G2E3: variants seen among roughly 807,000 people sequenced by gnomAD.
G2E3 encodes the protein G2/M phase-specific E3 ubiquitin-protein ligase.
Under a neutral mutation model 92.8 loss-of-function variants are expected in G2E3, and 35 were observed. The observed-to-expected ratio is 0.38, with a 90% confidence interval of 0.29 to 0.50. The LOEUF (loss-of-function observed/expected upper bound fraction) is 0.50. Ranked by LOEUF, G2E3 falls within the 20% of genes least tolerant of loss-of-function variation. The probability of loss-of-function intolerance (pLI) is 0.94; values close to 1 mark genes in which losing one functional copy is unlikely to be tolerated. For missense variants in G2E3, 554 were observed against 823.8 expected (o/e 0.67, Z 4.01); for synonymous variants, 242 against 272.4 (o/e 0.89, Z 1.10).
chr14:30,599,188 G>A (rs1594498839), intron 8 of G2E3, among the ~76,000 whole-genome samples: 1 of 151,764 alleles, frequency 6.6e-6, no homozygotes, highest in African/African-American at 2.4e-5. Context: ...TTGGTTTAGG[G>A]CCCACCTATC....
chr14:30,564,096 T>A (rs1879290148), intron 1 of G2E3, among the ~76,000 whole-genome samples: 1 of 152,238 alleles, frequency 6.6e-6, no homozygotes. Context: ...GGTATACAAT[T>A]TGTATGCAAT....
At chr14:30,578,421 A>C (rs936866443) in intron 1 of G2E3, among the ~76,000 whole-genome samples, 6 of 152,302 alleles carry the variant, frequency 3.9e-5, no homozygotes, top group Non-Finnish European at 7.3e-5. Flanking sequence ...TAACACCACC[A>C]GGGATAAACC....
intron 2 of G2E3, among the ~76,000 whole-genome samples, chr14:30,581,337 T>C (rs1385082732): frequency 6.6e-6 from 1 of 151,880 alleles, no homozygotes; most frequent in Non-Finnish European, 1.5e-5. Flanking sequence ...ATATGGTTCG[T>C]ATCTCAATAA....
chr14:30,567,790 CT>C (rs1195575690), intron 1 of G2E3, among the ~76,000 whole-genome samples: 6 of 151,856 alleles, frequency 4.0e-5, no homozygotes, highest in Middle Eastern at 6.8e-3. Context: ...CTTGTGATTT[CT>C]TTTTTGACTT....
At chr14:30,567,099 C>T (rs1442720474) in intron 1 of G2E3, among the ~76,000 whole-genome samples, 1 of 152,112 alleles carries the variant, frequency 6.6e-6, no homozygotes, top group Non-Finnish European at 1.5e-5. Context: ...AGGATATTTG[C>T]ATCTATGTTC....
chr14:30,568,317 G>GA (rs1419488796), intron 1 of G2E3, among the ~76,000 whole-genome samples: 1 of 152,002 alleles, frequency 6.6e-6, no homozygotes, highest in Non-Finnish European at 1.5e-5. Flanking sequence ...TCTATAGCTT[G>GA]ACCCTAGTAG....
At chr14:30,581,323 T>A (rs994135939) in intron 2 of G2E3, among the ~76,000 whole-genome samples, 1 of 152,086 alleles carries the variant, frequency 6.6e-6, no homozygotes, top group Non-Finnish European at 1.5e-5. Context: ...TTTATGTATA[T>A]AAGATATGGT....
rs763541897 is a variant in G2E3 at position 30,593,455 on chromosome 14, A to G, written c.363-19A>G. ...CTTTGCAGTTCATGAGATTTTTTTA[A>G]AATAATTTACATTTTTAGGTCATTT... On this transcript the variant is annotated intron_variant, in intron 5 of 14. Coordinates refer to ENST00000206595, the MANE Select transcript of G2E3 (RefSeq NM_017769.5). The G allele has an allele frequency of 7.5e-7, 1 of 1,328,342 alleles. No individual in the cohort carries two copies. Among genetic ancestry groups the G allele is most frequent in the Non-Finnish European group, 1.0e-6 (1 of 953,720 alleles). The allele number at this position is 1,328,342 out of a possible 1,614,324, so 82.3% of individuals were successfully genotyped here. A position where few individuals can be genotyped will look rare whatever the true frequency, so the allele number is the denominator to read the frequency against.
chr14:30,597,607 C>A, intron 7 of G2E3, 81 bp downstream of exon 7: 1 of 815,014 alleles, frequency 1.2e-6, no homozygotes, highest in South Asian at 1.5e-5. Flanking sequence ...TCACTTATGT[C>A]TGATTCAGTG....
intron 6 of G2E3, 76 bp from the exon 7 acceptor site, chr14:30,597,343 AC>A (rs966565869): frequency 2.6e-6 from 2 of 783,848 alleles, no homozygotes; most frequent in African/African-American, 3.5e-5. Context: ...TAAAAATAGC[AC>A]ATGTTCTGTT....
At chr14:30,612,400 T>C (rs368588898) in intron 13 of G2E3, 21 bp downstream of exon 13, 1 of 1,436,980 alleles carries the variant, frequency 7.0e-7, no homozygotes, top group African/African-American at 1.4e-5. Context: ...TCTATTAATA[T>C]ATGGCTCTTT....
chr14:30,582,089 T>C (rs1880466784), intron 2 of G2E3, among the ~76,000 whole-genome samples: 1 of 152,236 alleles, frequency 6.6e-6, no homozygotes, highest in Non-Finnish European at 1.5e-5. Context: ...CTGTCAGCTA[T>C]GCTAATAGTT....
chr14:30,571,877 A>G (rs1309518203), intron 1 of G2E3, among the ~76,000 whole-genome samples: 1 of 151,722 alleles, frequency 6.6e-6, no homozygotes, highest in Non-Finnish European at 1.5e-5. Flanking sequence ...TTCTTTTTAA[A>G]AATGTTTTTG....
At chr14:30,582,264 C>T (rs8016482) in intron 2 of G2E3, among the ~76,000 whole-genome samples, 5,280 of 152,274 alleles carry the variant, frequency 0.035, 121 homozygotes, top group Middle Eastern at 0.061. Context: ...GTATCATTTA[C>T]TACACTAGAC....
At chr14:30,559,329 T>TG (rs1207284463) in intron 1 of G2E3, 57 bp downstream of exon 1, 1 of 152,248 alleles carries the variant, frequency 6.6e-6, no homozygotes, top group Non-Finnish European at 1.5e-5. Flanking sequence ...AGCAGGACCG[T>TG]GGGGTGGGAG....
At chr14:30,577,480 AGTTGCTCTCAGGCT>A (rs1159328932) in intron 1 of G2E3, among the ~76,000 whole-genome samples, 1 of 152,174 alleles carries the variant, frequency 6.6e-6, no homozygotes, top group Non-Finnish European at 1.5e-5. Flanking sequence ...TCTTGTATGA[AGTTGCTCTCAGGCT>A]GTTAGCCAAA....
chr14:30,596,763 A>G (rs1045098324), intron 6 of G2E3, among the ~76,000 whole-genome samples: 2 of 152,238 alleles, frequency 1.3e-5, no homozygotes, highest in African/African-American at 2.4e-5. Flanking sequence ...TTTTTGGTAC[A>G]TAATACCAAA....
rs1435153302 is a variant in G2E3 at position 30,616,660 on chromosome 14, A to G, written c.*126A>G. Reference sequence around the variant, plus strand: ...GCTTCTTGACCTAATAAAATTTATGATATGAATATAAAGGAATATTATAGC... The same window carrying G: ...GCTTCTTGACCTAATAAAATTTATGGTATGAATATAAAGGAATATTATAGC... On this transcript the variant is annotated 3_prime_UTR_variant, in exon 15 of 15. Coordinates refer to ENST00000206595, the MANE Select transcript of G2E3 (RefSeq NM_017769.5). 1 of 703,426 alleles carries G rather than the reference A, an allele frequency of 1.4e-6. No individual in the cohort carries two copies. Among genetic ancestry groups the G allele is most frequent in the African/African-American group, 1.8e-5 (1 of 54,612 alleles). The allele number at this position is 703,426 out of a possible 1,614,324, so 43.6% of individuals were successfully genotyped here. A position where few individuals can be genotyped will look rare whatever the true frequency, so the allele number is the denominator to read the frequency against.
At chr14:30,615,248 G>C in intron 13 of G2E3, 101 bp from the exon 14 acceptor site, 2 of 585,258 alleles carry the variant, frequency 3.4e-6, no homozygotes, top group East Asian at 5.9e-5. Flanking sequence ...AAAATCATTA[G>C]CTGTTTTGAA....
Sources: allele counts gnomAD v4.1 joint callset (sites outside exome capture counted in the v4.1 genomes callset), GRCh38; gene constraint gnomAD v4.1.1; transcripts MANE v1.5; gene names NCBI Gene and HGNC (gene_info 2026-07-23, HGNC 2026-07-21).